KANSL1: variants seen among roughly 807,000 people sequenced by gnomAD.
KANSL1 encodes the protein KAT8 regulatory NSL complex subunit 1.
Under a neutral mutation model 103.6 loss-of-function variants are expected in KANSL1, and 22 were observed. The observed-to-expected ratio is 0.21, with a 90% confidence interval of 0.15 to 0.30. The LOEUF (loss-of-function observed/expected upper bound fraction) is 0.30, where lower values mean the gene tolerates loss of function less well. Among genes scored for constraint, KANSL1 ranks in the 10% least tolerant of loss-of-function variants. The pLI is 1.00. For synonymous variants in KANSL1, 600 were observed against 527.6 expected (o/e 1.14, Z -1.88); for missense variants, 1,337 against 1,399.8 (o/e 0.96, Z 0.72).
Position 46,193,130 on chromosome 17 carries a change from G to A in KANSL1, c.-397C>T, listed in dbSNP as rs190809340. On this transcript the variant is annotated 5_prime_UTR_variant, in exon 1 of 15. Transcript: ENST00000432791. ...CGAGCACGGCTGGAGACCGCAGCCC[G>A]GCCGGGAGGGCGGGCGGGCGGGGGC... 0.12 allele frequency: 18,020 copies of A among 148,708 alleles called. 24 individuals carry two copies. Among genetic ancestry groups the A allele is most frequent in the Middle Eastern group, 0.18 (53 of 290 alleles). The allele number at this position is 148,708 out of a possible 1,614,324, so 9.2% of individuals were successfully genotyped here. A position where few individuals can be genotyped will look rare whatever the true frequency, so the allele number is the denominator to read the frequency against.
At chr17:46,075,901 A>G (rs1159352202) in intron 4 of KANSL1, among the ~76,000 whole-genome samples, 2 of 152,174 alleles carry the variant, frequency 1.3e-5, no homozygotes, top group Non-Finnish European at 2.9e-5. Flanking sequence ...CATAAGACTC[A>G]GAAAAAAGTC....
chr17:46,138,511 C>T (rs2044264583), intron 2 of KANSL1, among the ~76,000 whole-genome samples: 1 of 152,198 alleles, frequency 6.6e-6, no homozygotes, highest in South Asian at 2.1e-4. Flanking sequence ...GATTTGAGCA[C>T]TGTCAGATTT....
intron 2 of KANSL1, among the ~76,000 whole-genome samples, chr17:46,162,412 A>G (rs959146147): frequency 7.2e-5 from 11 of 152,246 alleles, no homozygotes; most frequent in Non-Finnish European, 1.6e-4. Context: ...CGGGGGCTCT[A>G]CAAAGGACAC....
At chr17:46,143,672 C>T (rs893331374) in intron 2 of KANSL1, among the ~76,000 whole-genome samples, 6 of 151,276 alleles carry the variant, frequency 4.0e-5, no homozygotes, top group Admixed American at 1.3e-4. Context: ...GGCGTTGTGG[C>T]GGGCGCCTGT....
At chr17:46,185,976 A>T (rs1029607300) in intron 1 of KANSL1, among the ~76,000 whole-genome samples, 1 of 103,926 alleles carries the variant, frequency 9.6e-6, no homozygotes, top group Non-Finnish European at 2.4e-5. Context: ...AAGACAGAGG[A>T]AAAAAAAATC....
At chr17:46,162,935 T>C (rs970260155) in intron 2 of KANSL1, among the ~76,000 whole-genome samples, 4 of 152,212 alleles carry the variant, frequency 2.6e-5, no homozygotes, top group Admixed American at 6.5e-5. Context: ...GTTTCCTCAA[T>C]GAGCAGCAAA....
chr17:46,148,292 G>C (rs567466399), intron 2 of KANSL1: 7 of 152,152 alleles, frequency 4.6e-5, no homozygotes, highest in Non-Finnish European at 7.3e-5. Context: ...AAGAGAACTG[G>C]GAGAGGAGGA....
chr17:46,219,842 G>A (rs1361044297), intron 1 of KANSL1, among the ~76,000 whole-genome samples: 3 of 152,212 alleles, frequency 2.0e-5, no homozygotes, highest in African/African-American at 7.2e-5. Flanking sequence ...GGTGGCCCAC[G>A]CCTGTAATCC....
intron 4 of KANSL1, among the ~76,000 whole-genome samples, chr17:46,070,209 T>A (rs541510230): frequency 6.6e-6 from 1 of 152,300 alleles, no homozygotes; most frequent in South Asian, 2.1e-4. Flanking sequence ...CTAAATGTTG[T>A]AAGCATTATA....
At chr17:46,080,311 TTAAAAAAAAAAAAAA>T (rs2078938316) in intron 4 of KANSL1, among the ~76,000 whole-genome samples, 1 of 38,910 alleles carries the variant, frequency 2.6e-5, no homozygotes, top group Non-Finnish European at 7.9e-5. Flanking sequence ...AGAGCCTGTC[TTAAAAAAAAAAAAAA>T]AAAAAAAAAA....
chr17:46,110,217 G>A (rs1029801182), intron 2 of KANSL1, among the ~76,000 whole-genome samples: 1 of 152,328 alleles, frequency 6.6e-6, no homozygotes, highest in Non-Finnish European at 1.5e-5. Flanking sequence ...TTTTTAACTG[G>A]TCTAATGAGA....
At chr17:46,180,554 C>T (rs1413847098) in intron 1 of KANSL1, among the ~76,000 whole-genome samples, 1 of 152,022 alleles carries the variant, frequency 6.6e-6, no homozygotes, top group African/African-American at 2.4e-5. Flanking sequence ...GGCATGATGG[C>T]AGGTGCCTGT....
chr17:46,031,906 G>T, intron 14 of KANSL1, 141 bp downstream of exon 14: 1 of 1,233,330 alleles, frequency 8.1e-7, no homozygotes. Flanking sequence ...TCCACTGAAC[G>T]TTGAGGAGAT....
In KANSL1 at chr17:46,073,804, CTGTACAAAAATAT is replaced by C. The variant is rs561813081; in HGVS notation, c.1534-6150_1534-6138del. On this transcript the variant is annotated intron_variant, in intron 4 of 14. Transcript: ENST00000432791. ...TTTTGACTGCATAACAGTTAACATA[CTGTACAAAAATAT>C]TGTACTCTAGTTAGCAAATGTGTTT... is the stretch of plus-strand genomic sequence containing the variant. Among the ~76,000 whole-genome samples, 173 of 152,232 alleles carry C rather than the reference CTGTACAAAAATAT, an allele frequency of 1.1e-3. 5 individuals are homozygous for C. The South Asian group carries it at 0.034, about 30-fold the overall frequency.
At chr17:46,098,376 T>C (rs940063192) in intron 2 of KANSL1, among the ~76,000 whole-genome samples, 2 of 152,226 alleles carry the variant, frequency 1.3e-5, no homozygotes, top group Non-Finnish European at 1.5e-5. Flanking sequence ...CCAACACCAG[T>C]CAATCATACT....
intron 2 of KANSL1, among the ~76,000 whole-genome samples, chr17:46,098,243 C>A (rs1568445805): frequency 1.3e-5 from 2 of 151,434 alleles, no homozygotes; most frequent in African/African-American, 2.5e-5. Flanking sequence ...TCAAGGCTTA[C>A]CACCTTTCTA....
intron 2 of KANSL1, among the ~76,000 whole-genome samples, chr17:46,105,945 A>C (rs1202226087): frequency 1.2e-3 from 106 of 90,340 alleles, no homozygotes; most frequent in African/African-American, 4.0e-3. Context: ...ACACACACAC[A>C]CACCCCCCCA....
Position 46,062,118 on chromosome 17 carries a change from C to CAAAAA in KANSL1, c.1848+4414_1848+4418dup, listed in dbSNP as rs66529773. On this transcript the variant is annotated intron_variant, in intron 6 of 14. Transcript: ENST00000432791. The stretch of plus-strand genomic sequence containing the variant: ...AAAAAAAAAAAAAAAAACAAACAAA[C>CAAAAA]AAAAAAAAAAAAAAAACATGTTACA... 8.3e-4 allele frequency among the ~76,000 whole-genome samples: 90 copies of CAAAAA among 108,690 alleles called. 1 individual carries two copies. Among genetic ancestry groups the CAAAAA allele is most frequent in the East Asian group, 2.6e-3 (8 of 3,074 alleles). The allele number at this position is 108,690 out of a possible 152,430, so 71.3% of individuals were successfully genotyped here.
chr17:46,063,740 G>T (rs1476325727), intron 6 of KANSL1, among the ~76,000 whole-genome samples: 1 of 152,068 alleles, frequency 6.6e-6, no homozygotes, highest in Non-Finnish European at 1.5e-5. Flanking sequence ...CTTAGGCATG[G>T]ATCAGAAGAA....
Sources: gnomAD v4.1 joint callset for allele counts (sites outside exome capture counted in the v4.1 genomes callset) on GRCh38, gnomAD v4.1.1 for gene constraint, MANE v1.5 for transcripts, NCBI Gene and HGNC (gene_info 2026-07-23, HGNC 2026-07-21) for gene names.